The following LRRC4C variants were observed in gnomAD, a reference collection of about 807,000 sequenced individuals.
The protein encoded by LRRC4C is leucine rich repeat containing 4C.
In LRRC4C, 5 loss-of-function variants were observed where a neutral mutation model predicts 33.6. That is an observed-to-expected ratio of 0.15 (90% CI 0.08 to 0.31). The LOEUF (loss-of-function observed/expected upper bound fraction) is 0.31. Among genes scored for constraint, LRRC4C ranks in the 10% least tolerant of loss-of-function variants. The pLI, the probability that LRRC4C is intolerant of heterozygous loss-of-function variation, is 1.00. For missense variants in LRRC4C, 560 were observed against 796.7 expected, an observed-to-expected ratio of 0.70 and a Z score of 3.58; for synonymous variants, 329 against 302.0, an observed-to-expected ratio of 1.09 and a Z score of -0.93.
At chr11:41,165,292 C>G (rs1944670057) in intron 1 of LRRC4C, among the ~76,000 whole-genome samples, 1 of 152,028 alleles carries the variant, frequency 6.6e-6, no homozygotes, top group Non-Finnish European at 1.5e-5. Context: ...TATGGGATCA[C>G]CATCATATAT....
chr11:41,191,328 C>G (rs141797098), intron 1 of LRRC4C, among the ~76,000 whole-genome samples: 1 of 152,120 alleles, frequency 6.6e-6, no homozygotes. Flanking sequence ...TTATGCCATG[C>G]AAAAACGTTC....
chr11:40,984,892 A>ATTTTTTTTTTTT (rs1352712808), intron 1 of LRRC4C, among the ~76,000 whole-genome samples: 1 of 24,650 alleles, frequency 4.1e-5, no homozygotes, highest in African/African-American at 9.8e-5. Context: ...TCTCACTGAC[A>ATTTTTTTTTTTT]CTTTTTTTTT....
intron 1 of LRRC4C, among the ~76,000 whole-genome samples, chr11:40,951,013 C>G (rs1958668474): frequency 6.6e-6 from 1 of 151,796 alleles, no homozygotes; most frequent in African/African-American, 2.4e-5. Context: ...ACGATGCACC[C>G]AGATAAGCTC....
At chr11:40,381,549 A>C (rs1948866927) in intron 3 of LRRC4C, among the ~76,000 whole-genome samples, 1 of 152,184 alleles carries the variant, frequency 6.6e-6, no homozygotes, top group Non-Finnish European at 1.5e-5. Flanking sequence ...TATTTCATAA[A>C]AGCAAATATT....
intron 1 of LRRC4C, among the ~76,000 whole-genome samples, chr11:41,411,440 G>A (rs545903059): frequency 2.0e-5 from 3 of 151,660 alleles, no homozygotes; most frequent in South Asian, 4.2e-4. Flanking sequence ...GAGCCACCGC[G>A]CCCAGCCTTG....
At chr11:41,197,054 T>C (rs927208968) in intron 1 of LRRC4C, among the ~76,000 whole-genome samples, 4 of 152,134 alleles carry the variant, frequency 2.6e-5, no homozygotes, top group Admixed American at 6.6e-5. Flanking sequence ...GAGCTACTGG[T>C]AGGAATCAAG....
intron 1 of LRRC4C, among the ~76,000 whole-genome samples, chr11:40,985,912 G>C (rs1480577615): frequency 2.0e-5 from 3 of 151,986 alleles, no homozygotes; most frequent in Non-Finnish European, 4.4e-5. Context: ...GGGTAAAACA[G>C]CATGATAAAT....
At chr11:40,863,751 T>C (rs943399639) in intron 2 of LRRC4C, among the ~76,000 whole-genome samples, 2 of 152,224 alleles carry the variant, frequency 1.3e-5, no homozygotes, top group Non-Finnish European at 2.9e-5. Context: ...TGCTATTCAT[T>C]AAATTTATGG....
At chr11:41,199,971 C>T (rs1367196278) in intron 1 of LRRC4C, among the ~76,000 whole-genome samples, 1 of 152,076 alleles carries the variant, frequency 6.6e-6, no homozygotes, top group African/African-American at 2.4e-5. Flanking sequence ...GATCATACAG[C>T]TCGTGAGCCT....
chr11:41,124,081 T>A (rs1482995392), intron 1 of LRRC4C, among the ~76,000 whole-genome samples: 1 of 152,184 alleles, frequency 6.6e-6, no homozygotes, highest in Non-Finnish European at 1.5e-5. Context: ...TGAATACAAT[T>A]TTATCTTTAC....
chr11:40,504,011 C>A (rs1437018953), intron 3 of LRRC4C, among the ~76,000 whole-genome samples: 1 of 152,074 alleles, frequency 6.6e-6, no homozygotes, highest in African/African-American at 2.4e-5. Context: ...CCCCCAGTAA[C>A]CCTCTCCAAA....
Position 40,115,685 on chromosome 11 carries a change from T to C in LRRC4C, c.608A>G (p.Asn203Ser). ...TTCCCGAAGGTTGCACATGGCAAGG[T>C]TCAAATACCTCAAGTTGGACAGACC... ...FEGLSNLRYL[N>S]LAMCNLREIP... The change falls in exon 7 of 7, where the codon AAC (asparagine) becomes AGC (serine). Residue 203 changes from asparagine (N) to serine (S), a missense_variant. Transcript: ENST00000528697. The surrounding 1 kb of genome is among the most constrained non-coding windows in gnomAD (Gnocchi z 6.7). 1 of 1,614,086 alleles carries C rather than the reference T, an allele frequency of 6.2e-7. No individual in the cohort carries two copies. The highest frequency in any genetic ancestry group is 8.5e-7 in the Non-Finnish European group (1 of 1,180,002).
intron 1 of LRRC4C, among the ~76,000 whole-genome samples, chr11:41,208,892 C>T (rs1317465891): frequency 6.6e-6 from 1 of 152,026 alleles, no homozygotes; most frequent in Non-Finnish European, 1.5e-5. Flanking sequence ...GGTAGGGCAC[C>T]CCACAGAACT....
At chr11:41,094,405 T>A (rs1179516136) in intron 1 of LRRC4C, among the ~76,000 whole-genome samples, 2 of 151,782 alleles carry the variant, frequency 1.3e-5, no homozygotes, top group African/African-American at 4.8e-5. Context: ...GTGCCTGTAG[T>A]CTCAGCTACT....
intron 1 of LRRC4C, among the ~76,000 whole-genome samples, chr11:40,945,023 CTTTTTTTT>C (rs767515626): frequency 9.0e-6 from 1 of 111,092 alleles, no homozygotes; most frequent in Non-Finnish European, 1.8e-5. Flanking sequence ...TGCAGTTTTT[CTTTTTTTT>C]TTTTTTTTTT....
intron 2 of LRRC4C, among the ~76,000 whole-genome samples, chr11:40,649,688 T>G (rs1490523833): frequency 2.6e-5 from 4 of 152,346 alleles, no homozygotes; most frequent in East Asian, 3.9e-4. Context: ...GTATTAATTT[T>G]GGGAACTGAT....
chr11:41,285,058 G>A (rs958099884), intron 1 of LRRC4C, among the ~76,000 whole-genome samples: 3 of 152,138 alleles, frequency 2.0e-5, no homozygotes, highest in African/African-American at 7.2e-5. Flanking sequence ...GGGGACCCAG[G>A]AAAAGTAGAT....
chr11:40,543,301 C>T (rs1001166796), intron 3 of LRRC4C, among the ~76,000 whole-genome samples: 1 of 152,072 alleles, frequency 6.6e-6, no homozygotes, highest in East Asian at 1.9e-4. Context: ...TGAAGGCTAG[C>T]ACTGTAAAGG....
chr11:40,536,024 G>T (rs919230557), intron 3 of LRRC4C, among the ~76,000 whole-genome samples: 8 of 152,038 alleles, frequency 5.3e-5, no homozygotes, highest in Admixed American at 2.0e-4. Flanking sequence ...GTCCTGTAAG[G>T]CCCATTATTA....
Sources: allele counts gnomAD v4.1 joint callset (sites outside exome capture counted in the v4.1 genomes callset), GRCh38; gene constraint gnomAD v4.1.1; non-coding constraint Gnocchi (gnomAD v3.1); transcripts MANE v1.5; gene names NCBI Gene and HGNC (gene_info 2026-07-23, HGNC 2026-07-21).